Variants in CMC2 observed in about 807,000 individuals in gnomAD.
CMC2 encodes the protein C-X9-C motif containing 2.
In CMC2, 5 loss-of-function variants were observed where a neutral mutation model predicts 7.5. That is an observed-to-expected ratio of 0.66 (90% CI 0.35 to 1.40). CMC2 has a LOEUF of 1.40. CMC2 is among the 40% of genes most tolerant of loss of function. CMC2 has a pLI of 0.04. For missense variants in CMC2, 115 were observed against 92.3 expected, an observed-to-expected ratio of 1.25 and a Z score of -1.01; for synonymous variants, 37 against 31.4, an observed-to-expected ratio of 1.18 and a Z score of -0.60.
rs1911783525 is a variant in CMC2 at position 80,969,656 on chromosome 16, G to A, written c.*6437C>T. The stretch of plus-strand genomic sequence containing the variant: ...TAATCCCAGCACTTCAGGAGGCCGA[G>A]GCAGGTGGATCACTTGAGGTCGGGA... On this transcript the variant is annotated 3_prime_UTR_variant, in exon 4 of 4. Transcript: ENST00000219400. 6.6e-6 allele frequency: 1 copy of A among 152,522 alleles called. No individual in the cohort carries two copies. Among genetic ancestry groups the A allele is most frequent in the African/African-American group, 2.4e-5 (1 of 41,456 alleles). 9.4% of individuals were successfully genotyped at this position (152,522 alleles called of 1,614,324 possible). A position where few individuals can be genotyped will look rare whatever the true frequency, so the allele number is the denominator to read the frequency against.
chr16:80,995,056 G>C (rs1968298783), intron 2 of CMC2, among the ~76,000 whole-genome samples: 1 of 152,196 alleles, frequency 6.6e-6, no homozygotes, highest in African/African-American at 2.4e-5. Flanking sequence ...TGAGGCAGGA[G>C]AATTGCTTGA....
intron 2 of CMC2, among the ~76,000 whole-genome samples, chr16:80,993,101 T>C (rs1344076390): frequency 6.6e-6 from 1 of 152,216 alleles, no homozygotes; most frequent in Non-Finnish European, 1.5e-5. Flanking sequence ...ATGTATGGTA[T>C]TCTAACTTTT....
intron 1 of CMC2, among the ~76,000 whole-genome samples, chr16:81,000,279 C>G (rs978829416): frequency 1.3e-5 from 2 of 152,060 alleles, no homozygotes; most frequent in Non-Finnish European, 2.9e-5. Flanking sequence ...AGGCAGATCA[C>G]AAGGTCAGGA....
intron 3 of CMC2, 34 bp from the exon 4 acceptor site, chr16:80,976,213 C>G: frequency 8.7e-7 from 1 of 1,153,550 alleles, no homozygotes; most frequent in South Asian, 1.3e-5. Context: ...AGAAAAGAAA[C>G]AGCAGATTAT....
intron 2 of CMC2, among the ~76,000 whole-genome samples, chr16:80,985,314 G>A (rs34334601): frequency 0.018 from 2,681 of 152,158 alleles, 49 homozygotes; most frequent in East Asian, 0.053. Flanking sequence ...GAGTTTTCCC[G>A]GGGCTACATG....
chr16:80,979,013 G>C (rs1001722513), intron 3 of CMC2, among the ~76,000 whole-genome samples: 15 of 152,058 alleles, frequency 9.9e-5, no homozygotes, highest in African/African-American at 3.6e-4. Flanking sequence ...CCCGGGAGGA[G>C]GAGCTTGCAG....
At position 80,981,838 on chromosome 16, in the gene CMC2, C is replaced by A; in HGVS notation, c.121G>T (p.Asp41Tyr). ...LKFFGYCNDV[D>Y]RELRKCLKNE... ...TTCAGGCATTTTCTCAACTCCCGAT[C>A]AACATCATTACAATAACCAAAAAAT... Residue 41 changes from aspartate (D) to tyrosine (Y), a missense_variant, in exon 3 of 4, where the codon GAT (aspartate) becomes TAT (tyrosine). Physicochemically the swap from Asp to Tyr is radical, Grantham distance 160. Coordinates refer to ENST00000219400, the MANE Select transcript of CMC2 (RefSeq NM_020188.5). The A allele has an allele frequency of 6.2e-7, 1 of 1,610,974 alleles. No individual in the cohort carries two copies. The highest frequency in any genetic ancestry group is 8.5e-7 in the Non-Finnish European group (1 of 1,178,192).
intron 3 of CMC2, among the ~76,000 whole-genome samples, chr16:80,977,799 C>T (rs376952853): frequency 4.7e-4 from 72 of 152,292 alleles, no homozygotes; most frequent in Admixed American, 2.7e-3. Flanking sequence ...AGGCCGGGTG[C>T]GGTGACTCAT....
intron 3 of CMC2, chr16:80,980,765 C>T (rs771772642): frequency 4.1e-5 from 28 of 686,518 alleles, no homozygotes; most frequent in South Asian, 2.6e-4. Flanking sequence ...CATGGTGGTA[C>T]GCACCTGTCG....
chr16:80,989,650 A>G (rs1967818143), intron 2 of CMC2, among the ~76,000 whole-genome samples: 1 of 152,036 alleles, frequency 6.6e-6, no homozygotes, highest in Admixed American at 6.6e-5. Context: ...GCTCATTGCT[A>G]CAGGAAAACA....
intron 1 of CMC2, chr16:81,001,431 GA>G (rs1295727578): frequency 2.6e-5 from 4 of 152,192 alleles, no homozygotes; most frequent in African/African-American, 9.7e-5. Flanking sequence ...CAAAGAGACG[GA>G]AAGTGGAATG....
chr16:80,997,453 A>T, intron 1 of CMC2, 24 bp from the exon 2 acceptor site: 1 of 1,204,818 alleles, frequency 8.3e-7, no homozygotes, highest in Admixed American at 1.7e-5. Context: ...AGTGTCTTGA[A>T]TATGCATAAA....
At position 80,969,497 on chromosome 16, in the gene CMC2, A is replaced by C. The variant is rs1040320268; in HGVS notation, c.*6596T>G. ...ACAATTTAGCATTAATGAACTCTCA[A>C]AACTGATCCCGTAGGGTTCCCTCCC... On this transcript the variant is annotated 3_prime_UTR_variant, in exon 4 of 4. Coordinates refer to ENST00000219400, the MANE Select transcript of CMC2 (RefSeq NM_020188.5). 2.6e-5 allele frequency: 4 copies of C among 152,304 alleles called. No homozygotes were observed. The highest frequency in any genetic ancestry group is 9.6e-5 in the African/African-American group (4 of 41,460). 9.4% of individuals were successfully genotyped at this position (152,304 alleles called of 1,614,324 possible).
Position 80,967,913 on chromosome 16 carries a change from CTATT to C in CMC2, c.*8176_*8179del, listed in dbSNP as rs1343798445. 2 of 152,086 alleles carry C rather than the reference CTATT, an allele frequency of 1.3e-5. No homozygotes were observed. The highest frequency in any genetic ancestry group is 4.8e-5 in the African/African-American group (2 of 41,404). The allele number at this position is 152,086 out of a possible 1,614,324, so 9.4% of individuals were successfully genotyped here. ...TGACAACATACCATATTAACGCTTC[CTATT>C]TTTTTTTCAAATCACATTCTCAACA... is the stretch of plus-strand genomic sequence containing the variant. On this transcript the variant is annotated 3_prime_UTR_variant, in exon 4 of 4. Transcript: ENST00000219400.
chr16:80,997,853 G>C (rs149150138), intron 1 of CMC2: 1 of 152,618 alleles, frequency 6.6e-6, no homozygotes, highest in Non-Finnish European at 1.5e-5. Context: ...AGGGTTAAAG[G>C]GTCATTAGTC....
chr16:80,997,205 CCTTA>C (rs2151645631), intron 2 of CMC2, 105 bp downstream of exon 2: 1 of 727,248 alleles, frequency 1.4e-6, no homozygotes, highest in African/African-American at 1.7e-5. Flanking sequence ...AACTCAGACT[CCTTA>C]CTAAGACATT....
At chr16:81,004,644 C>T (rs1032399330) in intron 1 of CMC2, among the ~76,000 whole-genome samples, 9 of 152,202 alleles carry the variant, frequency 5.9e-5, no homozygotes, top group Admixed American at 2.0e-4. Flanking sequence ...GCTAAGGGGC[C>T]CATAAGGGCA....
chr16:80,992,604 C>T (rs1355673226), intron 2 of CMC2, among the ~76,000 whole-genome samples: 1 of 151,168 alleles, frequency 6.6e-6, no homozygotes, highest in Non-Finnish European at 1.5e-5. Context: ...TGAGGTTGAA[C>T]ATCTTCTCAT....
intron 2 of CMC2, chr16:80,982,942 C>A: frequency 5.4e-6 from 1 of 183,546 alleles, no homozygotes; most frequent in South Asian, 1.3e-4. Context: ...AAAGTAATGA[C>A]ATTACAGGAA....
Sources: allele counts gnomAD v4.1 joint callset (sites outside exome capture counted in the v4.1 genomes callset), GRCh38; gene constraint gnomAD v4.1.1; transcripts MANE v1.5; gene names NCBI Gene and HGNC (gene_info 2026-07-23, HGNC 2026-07-21).